ERCC6L2: variants seen among roughly 807,000 people sequenced by gnomAD.
ERCC6L2 encodes the protein DNA excision repair protein ERCC-6-like 2.
In ERCC6L2, 77 loss-of-function variants were observed where a neutral mutation model predicts 132.0. The observed-to-expected ratio is 0.58, with a 90% CI of 0.49 to 0.71. The LOEUF (loss-of-function observed/expected upper bound fraction) is 0.71, where lower values mean the gene tolerates loss of function less well. ERCC6L2 is among the 30% of genes least tolerant of loss of function. The pLI, the probability that ERCC6L2 is intolerant of heterozygous loss-of-function variation, is 0.00. For synonymous variants in ERCC6L2, 583 were observed against 632.4 expected (o/e 0.92, Z 1.17); for missense variants, 1,542 against 1,837.6 (o/e 0.84, Z 2.94).
At chr9:95,993,400 C>G (rs1453078873) in intron 17 of ERCC6L2, among the ~76,000 whole-genome samples, 1 of 152,252 alleles carries the variant, frequency 6.6e-6, no homozygotes, top group Non-Finnish European at 1.5e-5. Context: ...CATTGCACAT[C>G]TGCAAGCTTT....
chr9:96,032,291 C>T (rs896872319), intron 19 of ERCC6L2, among the ~76,000 whole-genome samples: 20 of 152,226 alleles, frequency 1.3e-4, no homozygotes, highest in South Asian at 2.1e-4. Flanking sequence ...CAGCTCCACT[C>T]ATGTTGGGCA....
intron 11 of ERCC6L2, among the ~76,000 whole-genome samples, chr9:95,940,873 T>A (rs1830767314): frequency 6.6e-6 from 1 of 152,184 alleles, no homozygotes; most frequent in Non-Finnish European, 1.5e-5. Flanking sequence ...TCAGCTAGGC[T>A]TTCTTTTTTG....
rs1368322779 is a variant in ERCC6L2 at position 96,029,321 on chromosome 9, A to C, written c.*1504-9555A>C. Among the ~76,000 whole-genome samples the C allele has an allele frequency of 2.1e-4, 32 of 150,938 alleles. 1 individual carries two copies. In the East Asian group the frequency reaches 3.0e-3, roughly 14 times the overall value. ...TCCGTCTCAAAAAAAAAAAAAAAAA[A>C]AACAAAAAAAAAATTAGGATGGTAC... On this transcript the variant is annotated intron_variant and NMD_transcript_variant, in intron 19 of 20. Coordinates refer to the ERCC6L2 transcript ENST00000670016.
At chr9:95,974,183 A>G (rs547179361) in intron 16 of ERCC6L2, among the ~76,000 whole-genome samples, 10 of 151,936 alleles carry the variant, frequency 6.6e-5, no homozygotes, top group African/African-American at 2.4e-4. Context: ...TTTCGATTTC[A>G]TTTTCATTTA....
At chr9:95,928,265 A>G (rs1830186079) in intron 10 of ERCC6L2, 115 bp downstream of exon 10, 2 of 611,642 alleles carry the variant, frequency 3.3e-6, no homozygotes, top group Admixed American at 6.6e-5. Flanking sequence ...TCTACACAGT[A>G]GGAAATAGTG....
chr9:95,926,557 A>G (rs1173777864), intron 9 of ERCC6L2, among the ~76,000 whole-genome samples: 2 of 152,168 alleles, frequency 1.3e-5, no homozygotes, highest in Non-Finnish European at 2.9e-5. Context: ...AATTCCAACT[A>G]TATAATACTA....
chr9:95,898,250 C>A (rs979029367), intron 3 of ERCC6L2, among the ~76,000 whole-genome samples: 59 of 152,142 alleles, frequency 3.9e-4, no homozygotes, highest in African/African-American at 1.3e-3. Flanking sequence ...ACATGATTTA[C>A]TTAGGTTGAT....
chr9:95,984,144 ACAT>A (rs1363479576), intron 17 of ERCC6L2, among the ~76,000 whole-genome samples: 2 of 150,276 alleles, frequency 1.3e-5, no homozygotes, highest in South Asian at 2.1e-4. Flanking sequence ...TATGTATAAT[ACAT>A]CATATATACA....
At chr9:95,927,107 T>C (rs1830133866) in intron 9 of ERCC6L2, among the ~76,000 whole-genome samples, 1 of 152,140 alleles carries the variant, frequency 6.6e-6, no homozygotes, top group South Asian at 2.1e-4. Flanking sequence ...AAGTAATGTT[T>C]ACCCGATCCA....
intron 2 of ERCC6L2, among the ~76,000 whole-genome samples, chr9:95,891,352 CA>C (rs569546824): frequency 2.0e-4 from 31 of 152,234 alleles, no homozygotes; most frequent in African/African-American, 7.5e-4. Context: ...TATAAAAATG[CA>C]AGCTGTAATT....
At position 95,921,219 on chromosome 9, in the gene ERCC6L2, A is replaced by C; in HGVS notation, c.1203A>C (p.Gln401His). ...CAGATTTCCAGAAAGCTGTCTATCA[A>C]ACAGTGTTAGAAACAGAGGACGTGA... ...SLTDFQKAVY[Q>H]TVLETEDVTL... is the part of the protein sequence containing the mutation. The change falls in exon 7 of 19, where the codon CAA (glutamine) becomes CAC (histidine). Residue 401 changes from glutamine (Q) to histidine (H), a missense_variant. By Grantham distance (24) the Gln-to-His change is conservative (BLOSUM62 0). This residue lies in a region of ERCC6L2 where 945 missense variants were observed against 1,105.2 expected (regional missense o/e 0.86). Transcript: ENST00000653738. 1 of 1,613,534 alleles carries C rather than the reference A, an allele frequency of 6.2e-7. No homozygotes were observed. The highest frequency in any genetic ancestry group is 1.1e-5 in the South Asian group (1 of 91,060).
intron 20 of ERCC6L2, among the ~76,000 whole-genome samples, chr9:96,040,713 AGCAACG>A (rs1296504985): frequency 2.0e-5 from 3 of 152,210 alleles, no homozygotes; most frequent in Non-Finnish European, 2.9e-5. Context: ...AGATGACAGG[AGCAACG>A]GCATCTGCAG....
chr9:95,884,041 C>A (rs1312208247), intron 2 of ERCC6L2, among the ~76,000 whole-genome samples: 2 of 152,152 alleles, frequency 1.3e-5, no homozygotes, highest in African/African-American at 2.4e-5. Flanking sequence ...TTTTACAGTT[C>A]ATAGGATTAT....
intron 2 of ERCC6L2, among the ~76,000 whole-genome samples, chr9:95,889,207 A>G (rs1183938187): frequency 1.3e-5 from 2 of 152,180 alleles, no homozygotes; most frequent in African/African-American, 4.8e-5. Flanking sequence ...TTTGTTTTAG[A>G]GAATTTGACA....
chr9:95,925,888 A>G (rs1830079184), intron 9 of ERCC6L2, among the ~76,000 whole-genome samples: 2 of 152,228 alleles, frequency 1.3e-5, no homozygotes, highest in South Asian at 4.1e-4. Context: ...AAGCTCAACA[A>G]TGGGAAAGCA....
At chr9:95,901,056 A>T (rs1382700559) in intron 3 of ERCC6L2, among the ~76,000 whole-genome samples, 1 of 151,406 alleles carries the variant, frequency 6.6e-6, no homozygotes, top group South Asian at 2.1e-4. Context: ...CTTGGGTGAC[A>T]GAGTGGTACT....
chr9:95,990,240 C>G (rs1223305329), intron 17 of ERCC6L2, among the ~76,000 whole-genome samples: 1 of 152,202 alleles, frequency 6.6e-6, no homozygotes, highest in Non-Finnish European at 1.5e-5. Flanking sequence ...TATTTGCACT[C>G]AACAGGTGGG....
At chr9:95,900,733 T>A (rs551723208) in intron 3 of ERCC6L2, among the ~76,000 whole-genome samples, 99 of 152,334 alleles carry the variant, frequency 6.5e-4, no homozygotes, top group African/African-American at 2.3e-3. Context: ...TATTGTGCAT[T>A]CTTTGTAATC....
intron 13 of ERCC6L2, among the ~76,000 whole-genome samples, chr9:95,965,323 T>G (rs1352286282): frequency 6.6e-6 from 1 of 152,178 alleles, no homozygotes; most frequent in Non-Finnish European, 1.5e-5. Context: ...TACAGAAATT[T>G]TAGTTATTTT....
Sources: gnomAD v4.1 joint callset for allele counts (sites outside exome capture counted in the v4.1 genomes callset) on GRCh38, gnomAD v4.1.1 for gene constraint, gnomAD v4.1.1 regional missense constraint, MANE v1.5 for transcripts, NCBI Gene and HGNC (gene_info 2026-07-23, HGNC 2026-07-21) for gene names.